DARS1: variants seen among roughly 807,000 people sequenced by gnomAD.
DARS1 encodes the protein aspartate--tRNA ligase, cytoplasmic.
In DARS1, 51 loss-of-function variants were observed where a neutral mutation model predicts 68.8. The ratio of observed to expected loss-of-function variants is 0.74; its 90% confidence interval spans 0.59 to 0.94. The LOEUF (loss-of-function observed/expected upper bound fraction) is 0.94. Ranked by LOEUF, DARS1 falls within the 40% of genes least tolerant of loss-of-function variation. DARS1 has a pLI of 0.00. For missense variants in DARS1, 607 were observed against 597.3 expected, an observed-to-expected ratio of 1.02 and a Z score of -0.17; for synonymous variants, 203 against 190.4, an observed-to-expected ratio of 1.07 and a Z score of -0.55.
chr2:135,907,891 T>C (rs1680822292), intron 15 of DARS1, among the ~76,000 whole-genome samples: 1 of 152,210 alleles, frequency 6.6e-6, no homozygotes, highest in South Asian at 2.1e-4. Flanking sequence ...TACATTATTA[T>C]ACTAAGTGTT....
intron 5 of DARS1, among the ~76,000 whole-genome samples, chr2:135,938,228 T>G (rs1007771283): frequency 6.6e-6 from 1 of 152,190 alleles, no homozygotes; most frequent in African/African-American, 2.4e-5. Context: ...CTTGCTTCAT[T>G]TCATTCATTT....
At chr2:135,937,824 T>C (rs932291905) in intron 5 of DARS1, among the ~76,000 whole-genome samples, 1 of 152,236 alleles carries the variant, frequency 6.6e-6, no homozygotes, top group Non-Finnish European at 1.5e-5. Flanking sequence ...TGGCCCCCAC[T>C]CTCTTCTGGC....
intron 4 of DARS1, among the ~76,000 whole-genome samples, chr2:135,959,440 C>T (rs527490769): frequency 2.9e-5 from 4 of 136,388 alleles, no homozygotes; most frequent in South Asian, 2.4e-4. Flanking sequence ...AAAGATCGCC[C>T]GTATATCATC....
chr2:135,927,591 C>T (rs1463425470), intron 7 of DARS1, among the ~76,000 whole-genome samples: 2 of 152,036 alleles, frequency 1.3e-5, no homozygotes, highest in Non-Finnish European at 1.5e-5. Flanking sequence ...AATACTTCCT[C>T]CTCACTCATT....
intron 15 of DARS1, among the ~76,000 whole-genome samples, chr2:135,910,193 T>A (rs898527073): frequency 6.6e-6 from 1 of 152,128 alleles, no homozygotes; most frequent in Admixed American, 6.5e-5. Context: ...AGAAATGGAA[T>A]TTCTGAATCA....
intron 4 of DARS1, among the ~76,000 whole-genome samples, chr2:135,954,590 C>T (rs755347659): frequency 1.4e-4 from 22 of 152,078 alleles, no homozygotes; most frequent in Non-Finnish European, 2.9e-4. Flanking sequence ...CAGGGACTAA[C>T]AGAGAAGAGG....
Position 135,907,244 on chromosome 2 carries a change from T to TTC in DARS1, c.*71_*72insGA, listed in dbSNP as rs1167031163. ...CTGAAAAGAATAAGTGTGGCTTTCTTTTTTTTTTTTTTTTTTTGAGGCAGG... is the reference window on the plus strand; with the variant it reads ...CTGAAAAGAATAAGTGTGGCTTTCTTTCTTTTTTTTTTTTTTTTTGAGGCAGG... On this transcript the variant is annotated 3_prime_UTR_variant, in exon 16 of 16. Coordinates refer to ENST00000264161, the MANE Select transcript of DARS1 (RefSeq NM_001349.4). 1.0e-5 allele frequency: 3 copies of TTC among 300,298 alleles called. No individual in the cohort carries two copies. The highest frequency in any genetic ancestry group is 8.3e-5 in the African/African-American group (3 of 35,934). The allele number at this position is 300,298 out of a possible 1,614,324, so 18.6% of individuals were successfully genotyped here. A position where few individuals can be genotyped will look rare whatever the true frequency, so the allele number is the denominator to read the frequency against.
At chr2:135,976,444 T>C (rs1682499061) in intron 3 of DARS1, among the ~76,000 whole-genome samples, 1 of 152,024 alleles carries the variant, frequency 6.6e-6, no homozygotes, top group Admixed American at 6.6e-5. Context: ...CTTAAGAAAG[T>C]TTTAAACCGT....
intron 3 of DARS1, among the ~76,000 whole-genome samples, chr2:135,962,286 TATCCTTGTGAC>T (rs1282777416): frequency 6.6e-6 from 1 of 152,210 alleles, no homozygotes; most frequent in Non-Finnish European, 1.5e-5. Context: ...CGTTATTATG[TATCCTTGTGAC>T]ATCCCTTTTT....
chr2:135,958,244 A>C (rs1682020734), intron 4 of DARS1, among the ~76,000 whole-genome samples: 1 of 152,232 alleles, frequency 6.6e-6, no homozygotes. Context: ...ATGAATTATC[A>C]AGTATCTGAA....
intron 5 of DARS1, among the ~76,000 whole-genome samples, chr2:135,940,730 G>A (rs1679278564): frequency 6.6e-6 from 1 of 152,196 alleles, no homozygotes; most frequent in Non-Finnish European, 1.5e-5. Context: ...GTCCCTGTTT[G>A]CAGATGACAT....
intron 4 of DARS1, among the ~76,000 whole-genome samples, chr2:135,952,181 T>A (rs1349417316): frequency 6.6e-6 from 1 of 152,142 alleles, no homozygotes. Flanking sequence ...GAGGCAGAGG[T>A]TGCAGTAAGC....
chr2:135,914,665 T>C (rs1195759616), intron 11 of DARS1, 154 bp from the exon 12 acceptor site: 2 of 636,864 alleles, frequency 3.1e-6, no homozygotes, highest in African/African-American at 3.7e-5. Flanking sequence ...AGGCAAGTAC[T>C]ACTGAAAATC....
intron 6 of DARS1, 60 bp downstream of exon 6, chr2:135,933,850 C>T: frequency 6.5e-7 from 1 of 1,549,358 alleles, no homozygotes; most frequent in Non-Finnish European, 8.8e-7. Flanking sequence ...ATCAGGTTTT[C>T]AATGTTTTGC....
At chr2:135,956,198 TA>T (rs1399927660) in intron 4 of DARS1, among the ~76,000 whole-genome samples, 2 of 152,282 alleles carry the variant, frequency 1.3e-5, no homozygotes, top group East Asian at 1.9e-4. Flanking sequence ...CTTAAAGTGG[TA>T]AAAACAAATT....
chr2:135,956,852 C>T (rs995202734), intron 4 of DARS1, among the ~76,000 whole-genome samples: 1 of 150,644 alleles, frequency 6.6e-6, no homozygotes, highest in Non-Finnish European at 1.5e-5. Context: ...CAACCTCCAT[C>T]CCCCAGATTC....
intron 4 of DARS1, among the ~76,000 whole-genome samples, chr2:135,950,172 T>C (rs1160634623): frequency 1.3e-5 from 2 of 152,202 alleles, no homozygotes. Context: ...TTGTTGTGTA[T>C]GAGTTCACAT....
intron 7 of DARS1, among the ~76,000 whole-genome samples, chr2:135,928,388 T>G (rs566030199): frequency 6.6e-6 from 1 of 152,170 alleles, no homozygotes; most frequent in Non-Finnish European, 1.5e-5. Flanking sequence ...ATCAGATTTA[T>G]GTAGAACTTT....
chr2:135,984,798 A>G (rs1223876919), intron 1 of DARS1, among the ~76,000 whole-genome samples: 1 of 152,112 alleles, frequency 6.6e-6, no homozygotes, highest in Non-Finnish European at 1.5e-5. Context: ...GCACCGAAGG[A>G]TCACTGGGTG....
Sources: gnomAD v4.1 joint callset for allele counts (sites outside exome capture counted in the v4.1 genomes callset) on GRCh38, gnomAD v4.1.1 for gene constraint, MANE v1.5 for transcripts, NCBI Gene and HGNC (gene_info 2026-07-23, HGNC 2026-07-21) for gene names.